Variants in BMPR1A observed in about 807,000 individuals in gnomAD.
BMPR1A encodes the protein bone morphogenetic protein receptor type 1A.
Under a neutral mutation model 66.0 loss-of-function variants are expected in BMPR1A, and 7 were observed. The observed-to-expected ratio is 0.11, with a 90% CI of 0.06 to 0.20. The LOEUF is 0.20. Among genes scored for constraint, BMPR1A ranks in the 10% least tolerant of loss-of-function variants. BMPR1A has a pLI of 1.00. For synonymous variants in BMPR1A, 200 were observed against 229.7 expected (o/e 0.87, Z 1.17); for missense variants, 408 against 669.1 (o/e 0.61, Z 4.31).
chr10:86,821,242 G>A (rs11816363), intron 1 of BMPR1A, among the ~76,000 whole-genome samples: 5,376 of 152,114 alleles, frequency 0.035, 103 homozygotes, highest in Middle Eastern at 0.085. Context: ...TACTCCTCTG[G>A]GTTTTAGTTT....
intron 1 of BMPR1A, among the ~76,000 whole-genome samples, chr10:86,794,411 A>G (rs1328500725): frequency 6.6e-6 from 1 of 152,158 alleles, no homozygotes; most frequent in Non-Finnish European, 1.5e-5. Context: ...TACTGAAATA[A>G]AGTAATAGTT....
intron 1 of BMPR1A, among the ~76,000 whole-genome samples, chr10:86,818,314 G>T (rs182305913): frequency 6.6e-6 from 1 of 152,234 alleles, no homozygotes; most frequent in African/African-American, 2.4e-5. Flanking sequence ...ACCGTGTCCC[G>T]CCAGCTAATA....
At chr10:86,844,886 C>G (rs1465658031) in intron 2 of BMPR1A, among the ~76,000 whole-genome samples, 1 of 152,170 alleles carries the variant, frequency 6.6e-6, no homozygotes. Flanking sequence ...AAGTGGTTCT[C>G]CTGCCTCAGC....
chr10:86,917,383 T>TG, intron 9 of BMPR1A, 57 bp downstream of exon 9: 1 of 1,592,692 alleles, frequency 6.3e-7, no homozygotes, highest in South Asian at 1.1e-5. Flanking sequence ...GAGGTACAGG[T>TG]GGAAGCCTCC....
chr10:86,931,912 TTG>T (rs1843814282), downstream of BMPR1A: 1 of 152,236 alleles, frequency 6.6e-6, no homozygotes, highest in Non-Finnish European at 1.5e-5. Context: ...TCTTCCATAA[TTG>T]TTACTATGCT....
chr10:86,926,180 G>C lies in BMPR1A; in HGVS notation c.*2461G>C, dbSNP rs772082711. On this transcript the variant is annotated 3_prime_UTR_variant, in exon 13 of 13. Coordinates refer to ENST00000372037, the MANE Select transcript of BMPR1A (RefSeq NM_004329.3). ...ACTTGCTCAGTAAAAACATTTTCTAGTATAACATGTTCTTTAAAAAGCAAA... is the reference window on the plus strand; with the variant it reads ...ACTTGCTCAGTAAAAACATTTTCTACTATAACATGTTCTTTAAAAAGCAAA... The C allele has an allele frequency of 3.7e-5, 6 of 163,818 alleles. No homozygotes were observed. Among genetic ancestry groups the C allele is most frequent in the African/African-American group, 1.4e-4 (6 of 41,848 alleles). 10.1% of individuals were successfully genotyped at this position (163,818 alleles called of 1,614,324 possible).
At chr10:86,843,018 A>G (rs1002288809) in intron 2 of BMPR1A, among the ~76,000 whole-genome samples, 2 of 152,202 alleles carry the variant, frequency 1.3e-5, no homozygotes, top group Non-Finnish European at 2.9e-5. Flanking sequence ...TATGAATGGT[A>G]GTTTGGAAAA....
chr10:86,778,007 CAA>C (rs55951007), intron 1 of BMPR1A, among the ~76,000 whole-genome samples: 134 of 114,218 alleles, frequency 1.2e-3, no homozygotes, highest in South Asian at 2.5e-3. Flanking sequence ...GAGCGAAACT[CAA>C]AAAAAAAAAA....
At chr10:86,833,498 A>G (rs1443907356) in intron 1 of BMPR1A, among the ~76,000 whole-genome samples, 3 of 152,176 alleles carry the variant, frequency 2.0e-5, no homozygotes, top group Non-Finnish European at 4.4e-5. Flanking sequence ...TGAGTATAAT[A>G]GATGAAGCAG....
chr10:86,781,857 C>CTTTTTTTTTTTTT (rs1162095658), intron 1 of BMPR1A, among the ~76,000 whole-genome samples: 6 of 84,226 alleles, frequency 7.1e-5, no homozygotes, highest in East Asian at 3.4e-4. Context: ...GACAGGATTT[C>CTTTTTTTTTTTTT]TTTTTTTTTT....
chr10:86,879,649 A>T (rs750381732), intron 3 of BMPR1A, among the ~76,000 whole-genome samples: 1 of 152,210 alleles, frequency 6.6e-6, no homozygotes, highest in African/African-American at 2.4e-5. Context: ...AAAGGGTTCT[A>T]TACCCCAGAG....
intron 5 of BMPR1A, among the ~76,000 whole-genome samples, chr10:86,894,310 A>G (rs573027257): frequency 7.9e-5 from 12 of 152,254 alleles, no homozygotes; most frequent in Non-Finnish European, 1.6e-4. Context: ...CTTCACACAA[A>G]TAAGTAGATG....
At chr10:86,854,900 G>T in intron 2 of BMPR1A, 2 of 222,652 alleles carry the variant, frequency 9.0e-6, no homozygotes, top group Non-Finnish European at 1.9e-5. Context: ...CTGGGTCTGA[G>T]ATTATGTCAT....
intron 1 of BMPR1A, among the ~76,000 whole-genome samples, chr10:86,774,826 A>T (rs1224146893): frequency 6.6e-6 from 1 of 152,236 alleles, no homozygotes; most frequent in Non-Finnish European, 1.5e-5. Flanking sequence ...AAAACAATAC[A>T]ACCATCTCAG....
intron 1 of BMPR1A, among the ~76,000 whole-genome samples, chr10:86,776,696 T>C (rs1039189921): frequency 3.3e-5 from 5 of 152,180 alleles, no homozygotes; most frequent in African/African-American, 4.8e-5. Context: ...TCATGATACA[T>C]CTTGTAGTTT....
chr10:86,862,083 T>C (rs923808096), intron 2 of BMPR1A, among the ~76,000 whole-genome samples: 1 of 152,222 alleles, frequency 6.6e-6, no homozygotes, highest in Non-Finnish European at 1.5e-5. Context: ...CTAACCCTCC[T>C]GGCCTCATGG....
At chr10:86,916,858 T>A (rs1014289446) in intron 8 of BMPR1A, among the ~76,000 whole-genome samples, 1 of 152,036 alleles carries the variant, frequency 6.6e-6, no homozygotes, top group African/African-American at 2.4e-5. Flanking sequence ...CTGGGCATGG[T>A]GGCGGGTGTC....
In BMPR1A at chr10:86,851,916, G is replaced by A. The variant is rs541544670; in HGVS notation, c.-153+12937G>A. ...TTTAGGTTTTTAAGCAGAGAGAATG[G>A]CAAGGTCATTTGGTTTTAGAAGTTA... On this transcript the variant is annotated intron_variant, in intron 2 of 12. Coordinates refer to ENST00000372037, the MANE Select transcript of BMPR1A (RefSeq NM_004329.3). 2.3e-4 allele frequency among the ~76,000 whole-genome samples: 35 copies of A among 152,196 alleles called. No homozygotes were observed. In the East Asian group the frequency reaches 6.6e-3, roughly 29 times the overall value.
chr10:86,882,662 GAAA>G (rs372324110), intron 3 of BMPR1A, among the ~76,000 whole-genome samples: 1 of 129,012 alleles, frequency 7.8e-6, no homozygotes, highest in Non-Finnish European at 1.7e-5. Flanking sequence ...CTACTTTTAG[GAAA>G]AAAAAAAAAA....
Sources: gnomAD v4.1 joint callset for allele counts (sites outside exome capture counted in the v4.1 genomes callset) on GRCh38, gnomAD v4.1.1 for gene constraint, MANE v1.5 for transcripts, NCBI Gene and HGNC (gene_info 2026-07-23, HGNC 2026-07-21) for gene names.